The following NYAP2 variants were observed in gnomAD, a reference collection of about 807,000 sequenced individuals.
NYAP2 encodes neuronal tyrosine-phosphorylated phosphoinositide-3-kinase adaptor 2, also known as neuronal tyrosine-phosphorylated phosphoinositide-3-kinase adapter 2.
In NYAP2, 23 loss-of-function variants were observed where a neutral mutation model predicts 50.4. The observed-to-expected ratio is 0.46, with a 90% confidence interval of 0.33 to 0.65. NYAP2 has a LOEUF of 0.65. Among genes scored for constraint, NYAP2 ranks in the 30% least tolerant of loss-of-function variants. NYAP2 has a pLI of 0.02. For synonymous variants in NYAP2, 394 were observed against 365.2 expected, an observed-to-expected ratio of 1.08 and a Z score of -0.90; for missense variants, 885 against 861.0, an observed-to-expected ratio of 1.03 and a Z score of -0.35.
intron 5 of NYAP2, among the ~76,000 whole-genome samples, chr2:225,586,775 A>G (rs1387760094): frequency 1.3e-5 from 2 of 152,218 alleles, no homozygotes; most frequent in African/African-American, 4.8e-5. Context: ...TAACCAAACC[A>G]AATTTTAAAA....
rs115428989 is a variant in NYAP2 at position 225,428,716 on chromosome 2, C to T, written c.221+19615C>T. Reference sequence around the variant, plus strand: ...TTCTGTGTATTCTGGCCTTCCCAAACGTGATTCCTGGGAAAGCATCAGGAA... The same window carrying T: ...TTCTGTGTATTCTGGCCTTCCCAAATGTGATTCCTGGGAAAGCATCAGGAA... On this transcript the variant is annotated intron_variant, in intron 3 of 6. Coordinates refer to ENST00000636099, the Ensembl canonical transcript of NYAP2. Among the ~76,000 whole-genome samples, 371 of 152,306 alleles carry T rather than the reference C, an allele frequency of 2.4e-3. 1 individual carries two copies. The highest frequency in any genetic ancestry group is 8.4e-3 in the African/African-American group (351 of 41,572).
intron 6 of NYAP2, among the ~76,000 whole-genome samples, chr2:225,631,073 T>C: frequency 6.6e-6 from 1 of 152,196 alleles, no homozygotes; most frequent in South Asian, 2.1e-4. Context: ...GAAATTCAGA[T>C]GACACCCTGG....
rs147937106 is a variant in NYAP2, at chr2:225,535,464, A to G, written c.523+21792A>G. Among the ~76,000 whole-genome samples the G allele has an allele frequency of 6.2e-3, 951 of 152,322 alleles. 13 individuals are homozygous for G. Among genetic ancestry groups the G allele is most frequent in the African/African-American group, 0.022 (908 of 41,556 alleles). ...AGTTGCTACAGAACCCAAAGGCAGA[A>G]TAGTGCATCACAAGGAGGTCAGTGT... On this transcript the variant is annotated intron_variant, in intron 4 of 6. Transcript: ENST00000636099.
chr2:225,643,937 A>C (rs867790648), intron 6 of NYAP2, among the ~76,000 whole-genome samples: 1 of 149,794 alleles, frequency 6.7e-6, no homozygotes, highest in Non-Finnish European at 1.5e-5. Flanking sequence ...AGCATGATTT[A>C]TAGTCCTTTG....
chr2:225,455,230 G>A (rs577175695), intron 3 of NYAP2, among the ~76,000 whole-genome samples: 7 of 152,282 alleles, frequency 4.6e-5, no homozygotes, highest in African/African-American at 1.7e-4. Flanking sequence ...CAAAGAGAAA[G>A]GTTTTGTGTA....
At chr2:225,675,121 A>AT in the NYAP2 span, among the ~76,000 whole-genome samples, 1 of 152,128 alleles carries the variant, frequency 6.6e-6, no homozygotes, top group Non-Finnish European at 1.5e-5. Context: ...TGGTAAAAGA[A>AT]TTTCCATCGA....
At chr2:225,442,635 G>T (rs1206446486) in intron 3 of NYAP2, among the ~76,000 whole-genome samples, 1 of 152,040 alleles carries the variant, frequency 6.6e-6, no homozygotes, top group Non-Finnish European at 1.5e-5. Flanking sequence ...GAGTGCAGTG[G>T]CACCATCTCG....
chr2:225,417,532 T>G (rs1307598236), intron 3 of NYAP2, among the ~76,000 whole-genome samples: 1 of 151,980 alleles, frequency 6.6e-6, no homozygotes, highest in Non-Finnish European at 1.5e-5. Flanking sequence ...AAAGATCACT[T>G]AAAAAAATAG....
intron 3 of NYAP2, among the ~76,000 whole-genome samples, chr2:225,490,003 A>C (rs1690376887): frequency 6.6e-6 from 1 of 152,228 alleles, no homozygotes; most frequent in Non-Finnish European, 1.5e-5. Flanking sequence ...AAACAATGCA[A>C]ACTGTGAAAG....
chr2:225,494,268 A>G (rs1477021893), intron 3 of NYAP2, among the ~76,000 whole-genome samples: 1 of 152,244 alleles, frequency 6.6e-6, no homozygotes, highest in African/African-American at 2.4e-5. Context: ...CTCCCCACAA[A>G]ACTGGATGTG....
In NYAP2 at chr2:225,596,479, C is replaced by T. The variant is rs553812524; in HGVS notation, c.1618+13444C>T. On this transcript the variant is annotated intron_variant, in intron 5 of 6. Coordinates refer to ENST00000636099, the Ensembl canonical transcript of NYAP2. Reference sequence around the variant, plus strand: ...CTATTTGAGTGAACAAATATGCATCCGACCTCCCCAATTAAATGGTAAGTT... The same window carrying T: ...CTATTTGAGTGAACAAATATGCATCTGACCTCCCCAATTAAATGGTAAGTT... Among the ~76,000 whole-genome samples the T allele has an allele frequency of 1.1e-4, 17 of 152,218 alleles. No individual in the cohort carries two copies. In the South Asian group the frequency reaches 2.9e-3, roughly 26 times the overall value.
intron 3 of NYAP2, among the ~76,000 whole-genome samples, chr2:225,439,173 GT>G (rs1553538958): frequency 6.6e-6 from 1 of 152,152 alleles, no homozygotes; most frequent in Non-Finnish European, 1.5e-5. Context: ...TAAGGGTTGG[GT>G]TTTCATTAGG....
chr2:225,583,327 T>G (rs1692333421), intron 5 of NYAP2, among the ~76,000 whole-genome samples: 1 of 152,098 alleles, frequency 6.6e-6, no homozygotes, highest in Admixed American at 6.5e-5. Context: ...CCTGGAAAGT[T>G]GAACAGTGAA....
intron 3 of NYAP2, among the ~76,000 whole-genome samples, chr2:225,432,486 TAGAG>T (rs932040312): frequency 5.3e-5 from 8 of 150,286 alleles, no homozygotes; most frequent in East Asian, 1.9e-4. Flanking sequence ...TATATATAAA[TAGAG>T]AGATATAGGT....
At chr2:225,526,071 C>T (rs748941527) in intron 4 of NYAP2, among the ~76,000 whole-genome samples, 4 of 152,132 alleles carry the variant, frequency 2.6e-5, no homozygotes, top group Non-Finnish European at 5.9e-5. Context: ...TAGATTTTTC[C>T]CTGGAACCTC....
At chr2:225,445,785 GAAATT>G (rs1373766844) in intron 3 of NYAP2, among the ~76,000 whole-genome samples, 2 of 151,956 alleles carry the variant, frequency 1.3e-5, no homozygotes, top group Non-Finnish European at 1.5e-5. Flanking sequence ...TTACAAAGAA[GAAATT>G]AAATTCAAAA....
At chr2:225,650,009 C>T (rs1418960800) in intron 6 of NYAP2, among the ~76,000 whole-genome samples, 1 of 152,048 alleles carries the variant, frequency 6.6e-6, no homozygotes, top group Non-Finnish European at 1.5e-5. Context: ...CTATTAGTTC[C>T]CTTAGGAGAA....
intron 5 of NYAP2, among the ~76,000 whole-genome samples, chr2:225,598,456 C>CT (rs1692643422): frequency 6.6e-6 from 1 of 152,056 alleles, no homozygotes; most frequent in Non-Finnish European, 1.5e-5. Context: ...GGATGGAAGA[C>CT]TGTTAAAAAA....
chr2:225,497,455 C>T (rs1235249880), intron 3 of NYAP2, among the ~76,000 whole-genome samples: 1 of 152,184 alleles, frequency 6.6e-6, no homozygotes, highest in Admixed American at 6.5e-5. Flanking sequence ...TAAGGCCTGA[C>T]TTTTTAAATG....
Sources: allele counts gnomAD v4.1 joint callset (sites outside exome capture counted in the v4.1 genomes callset), GRCh38; gene constraint gnomAD v4.1.1; transcripts MANE v1.5; gene names NCBI Gene and HGNC (gene_info 2026-07-23, HGNC 2026-07-21).